The following EPHB1 variants were observed in gnomAD, a reference collection of about 807,000 sequenced individuals.
EPHB1 encodes the protein ephrin type-B receptor 1.
In EPHB1, 30 loss-of-function variants were observed where a neutral mutation model predicts 94.4. That is an observed-to-expected ratio of 0.32 (90% CI 0.24 to 0.43). EPHB1 has a LOEUF of 0.43. Ranked by LOEUF, EPHB1 falls within the 20% of genes least tolerant of loss-of-function variation. The pLI is 1.00. For synonymous variants in EPHB1, 522 were observed against 489.1 expected (o/e 1.07, Z -0.89); for missense variants, 1,055 against 1,308.3 (o/e 0.81, Z 2.99).
chr3:134,847,645 A>G (rs904075224), intron 1 of EPHB1, among the ~76,000 whole-genome samples: 6 of 152,334 alleles, frequency 3.9e-5, no homozygotes, highest in African/African-American at 1.4e-4. Flanking sequence ...AGAAGGCAGG[A>G]AATGGGAACC....
chr3:135,148,927 C>G (rs1941101871), intron 5 of EPHB1, among the ~76,000 whole-genome samples: 1 of 152,212 alleles, frequency 6.6e-6, no homozygotes, highest in African/African-American at 2.4e-5. Context: ...TTCTTCGACA[C>G]TCTCATTCTG....
At chr3:135,103,780 C>T (rs1349325124) in intron 3 of EPHB1, among the ~76,000 whole-genome samples, 2 of 152,062 alleles carry the variant, frequency 1.3e-5, no homozygotes, top group Non-Finnish European at 2.9e-5. Context: ...TCTCTTCAAC[C>T]ACTCCCCAAG....
At chr3:135,154,412 G>A in intron 6 of EPHB1, 136 bp downstream of exon 6, 1 of 1,274,744 alleles carries the variant, frequency 7.8e-7, no homozygotes, top group East Asian at 2.5e-5. Flanking sequence ...GAAGGTCCCT[G>A]GGAGAGTTCT....
intron 3 of EPHB1, among the ~76,000 whole-genome samples, chr3:135,005,439 G>A (rs1219697110): frequency 6.6e-5 from 10 of 152,222 alleles, no homozygotes; most frequent in Non-Finnish European, 1.2e-4. Context: ...CCCAGAGGTG[G>A]AGCCTACAGA....
intron 3 of EPHB1, among the ~76,000 whole-genome samples, chr3:134,972,965 G>C (rs1351910672): frequency 1.7e-3 from 256 of 152,340 alleles, no homozygotes; most frequent in Non-Finnish European, 6.5e-4. Flanking sequence ...GCACATCCCA[G>C]GTTGGGCCTC....
intron 1 of EPHB1, among the ~76,000 whole-genome samples, chr3:134,895,796 T>C (rs1040496244): frequency 1.3e-5 from 2 of 152,244 alleles, no homozygotes; most frequent in African/African-American, 4.8e-5. Context: ...GTTTATCTTC[T>C]GCATTTTGAA....
At chr3:134,906,934 G>A (rs901289203) in intron 1 of EPHB1, among the ~76,000 whole-genome samples, 1 of 152,220 alleles carries the variant, frequency 6.6e-6, no homozygotes. Flanking sequence ...GCCAATGCTT[G>A]TCTCTTAATG....
intron 3 of EPHB1, among the ~76,000 whole-genome samples, chr3:134,997,591 C>T (rs113964906): frequency 1.3e-5 from 2 of 152,144 alleles, no homozygotes; most frequent in African/African-American, 2.4e-5. Context: ...TGTTCTGAAG[C>T]TTCAGTACTA....
chr3:135,239,881 G>C (rs1943739164), intron 12 of EPHB1, among the ~76,000 whole-genome samples: 1 of 152,114 alleles, frequency 6.6e-6, no homozygotes, highest in East Asian at 1.9e-4. Context: ...GTTCTCTAGG[G>C]CTGAGCATAG....
At chr3:135,233,872 G>A (rs1307688829) in intron 12 of EPHB1, among the ~76,000 whole-genome samples, 6 of 152,142 alleles carry the variant, frequency 3.9e-5, no homozygotes, top group African/African-American at 1.4e-4. Context: ...GGCCTGAGCT[G>A]TACCTTGACC....
chr3:135,249,517 A>G, intron 15 of EPHB1, 26 bp downstream of exon 15: 5 of 1,605,128 alleles, frequency 3.1e-6, no homozygotes, highest in Non-Finnish European at 4.3e-6. Context: ...CTCTCTGTCC[A>G]GACCACACCT....
At chr3:135,173,173 T>C (rs1340090072) in intron 9 of EPHB1, among the ~76,000 whole-genome samples, 1 of 150,612 alleles carries the variant, frequency 6.6e-6, no homozygotes, top group Non-Finnish European at 1.5e-5. Context: ...TAGCTGGGAC[T>C]ACAGGCGCGC....
At chr3:135,244,460 G>A (rs2107729463) in intron 13 of EPHB1, among the ~76,000 whole-genome samples, 1 of 152,200 alleles carries the variant, frequency 6.6e-6, no homozygotes, top group South Asian at 2.1e-4. Context: ...ATCCTCTTGT[G>A]GACCAATGAA....
At chr3:134,954,062 T>A (rs58101610) in intron 3 of EPHB1, among the ~76,000 whole-genome samples, 75,657 of 152,138 alleles carry the variant, frequency 0.5, 19,706 homozygotes, top group African/African-American at 0.64. Context: ...TCACTTTGCC[T>A]CTTCAGAGGC....
At chr3:135,154,071 TC>T (rs1399685110) in intron 5 of EPHB1, 80 bp from the exon 6 acceptor site, 58 of 1,568,016 alleles carry the variant, frequency 3.7e-5, no homozygotes, top group Non-Finnish European at 4.8e-5. Flanking sequence ...GCCATTTTTC[TC>T]CCTACGTACC....
chr3:135,229,364 A>C (rs548041604), intron 12 of EPHB1, among the ~76,000 whole-genome samples: 1 of 152,218 alleles, frequency 6.6e-6, no homozygotes, highest in Non-Finnish European at 1.5e-5. Flanking sequence ...AAACCATGCC[A>C]AGAAGGAAGT....
At chr3:134,859,826 A>G (rs976359837) in intron 1 of EPHB1, among the ~76,000 whole-genome samples, 6 of 152,196 alleles carry the variant, frequency 3.9e-5, no homozygotes, top group Non-Finnish European at 5.9e-5. Flanking sequence ...TTCTAGGTGC[A>G]TACAAATTTA....
chr3:135,151,260 G>A (rs930540773), intron 5 of EPHB1, among the ~76,000 whole-genome samples: 24 of 152,062 alleles, frequency 1.6e-4, no homozygotes, highest in African/African-American at 5.8e-4. Flanking sequence ...GCTTGCTCAG[G>A]GTAGAAGCCA....
chr3:134,923,685 A>G (rs1191878301), intron 1 of EPHB1, among the ~76,000 whole-genome samples: 2 of 152,162 alleles, frequency 1.3e-5, no homozygotes, highest in East Asian at 3.8e-4. Flanking sequence ...ATAGCTCCCC[A>G]TTTATCACTT....
Sources: gnomAD v4.1 joint callset for allele counts (sites outside exome capture counted in the v4.1 genomes callset) on GRCh38, gnomAD v4.1.1 for gene constraint, MANE v1.5 for transcripts, NCBI Gene and HGNC (gene_info 2026-07-23, HGNC 2026-07-21) for gene names.